PARD3B: variants seen among roughly 807,000 people sequenced by gnomAD.
PARD3B encodes par-3 family cell polarity regulator beta.
A neutral mutation model predicts 130.2 loss-of-function variants in PARD3B; 103 were observed. The ratio of observed to expected loss-of-function variants is 0.79; its 90% CI spans 0.67 to 0.93. PARD3B has a LOEUF of 0.93. Among genes scored for constraint, PARD3B ranks in the 40% least tolerant of loss-of-function variants. The pLI is 0.00. For missense variants in PARD3B, 1,609 were observed against 1,499.2 expected (o/e 1.07, Z -1.21); for synonymous variants, 583 against 553.2 (o/e 1.05, Z -0.76).
At chr2:204,723,612 T>C (rs1025505063) in intron 2 of PARD3B, among the ~76,000 whole-genome samples, 1 of 152,124 alleles carries the variant, frequency 6.6e-6, no homozygotes, top group Admixed American at 6.5e-5. Context: ...CATTCTGTTT[T>C]TAAGGGAAAG....
At chr2:205,022,472 C>T (rs991393436) in intron 3 of PARD3B, among the ~76,000 whole-genome samples, 2 of 152,062 alleles carry the variant, frequency 1.3e-5, no homozygotes, top group Admixed American at 6.6e-5. Context: ...ATATGCAAAG[C>T]CCTGTTTTTA....
intron 2 of PARD3B, among the ~76,000 whole-genome samples, chr2:204,941,741 G>T (rs1016589588): frequency 3.3e-5 from 5 of 152,164 alleles, no homozygotes; most frequent in African/African-American, 1.2e-4. Context: ...GATGAGCAAA[G>T]ACAGTGCAGA....
At chr2:204,722,116 A>G (rs1207548870) in intron 2 of PARD3B, among the ~76,000 whole-genome samples, 1 of 152,196 alleles carries the variant, frequency 6.6e-6, no homozygotes, top group Non-Finnish European at 1.5e-5. Context: ...TCAGTAGGAT[A>G]CCACAAATCA....
At chr2:204,721,970 T>G (rs1173348990) in intron 2 of PARD3B, among the ~76,000 whole-genome samples, 1 of 152,174 alleles carries the variant, frequency 6.6e-6, no homozygotes, top group African/African-American at 2.4e-5. Flanking sequence ...ACTCTAATGA[T>G]ATTTTAGTGC....
intron 1 of PARD3B, among the ~76,000 whole-genome samples, chr2:204,589,672 AT>A (rs2032993210): frequency 6.6e-6 from 1 of 152,210 alleles, no homozygotes; most frequent in Non-Finnish European, 1.5e-5. Context: ...AAGGAAAAAA[AT>A]CAAAAGGATT....
In PARD3B at chr2:204,998,506, A is replaced by ATATAATATATGTATATATATGTG. The variant is rs1455825526; in HGVS notation, c.394+33187_394+33188insATATATGTATATATATGTGTATA. Among the ~76,000 whole-genome samples, 58 of 93,516 alleles carry ATATAATATATGTATATATATGTG rather than the reference A, an allele frequency of 6.2e-4. 5 individuals carry two copies. Among genetic ancestry groups the ATATAATATATGTATATATATGTG allele is most frequent in the East Asian group, 5.8e-3 (27 of 4,620 alleles). 61.4% of individuals were successfully genotyped at this position (93,516 alleles called of 152,430 possible). The stretch of plus-strand genomic sequence containing the variant: ...ATATAATATATGTATATATATGTGT[A>ATATAATATATGTATATATATGTG]TATATATATGTGTGTGTATATATAT... On this transcript the variant is annotated intron_variant, in intron 3 of 22. Transcript: ENST00000406610.
rs772544589 is a variant in PARD3B at position 204,673,252 on chromosome 2, T to G, written c.121-12929T>G. ...GAGATGCAAATAACATGTAAGTCCCTTCTTCTTCCTTTCTAGAAGTATTTT... is the reference window on the plus strand; with the variant it reads ...GAGATGCAAATAACATGTAAGTCCCGTCTTCTTCCTTTCTAGAAGTATTTT... On this transcript the variant is annotated intron_variant, in intron 1 of 22. Transcript: ENST00000406610. This position sits in a 1 kb window ranked among gnomAD's most constrained non-coding sequence, Gnocchi z 4.7. Among the ~76,000 whole-genome samples the G allele has an allele frequency of 3.9e-5, 6 of 152,080 alleles. No individual in the cohort carries two copies. Among genetic ancestry groups the G allele is most frequent in the Non-Finnish European group, 8.8e-5 (6 of 67,948 alleles).
At chr2:204,736,920 C>A (rs1015129800) in intron 2 of PARD3B, among the ~76,000 whole-genome samples, 6 of 152,160 alleles carry the variant, frequency 3.9e-5, no homozygotes, top group Admixed American at 1.3e-4. Flanking sequence ...TCCCTTTTCC[C>A]CACATCCACA....
intron 2 of PARD3B, among the ~76,000 whole-genome samples, chr2:204,920,508 T>G (rs1435662501): frequency 6.6e-6 from 1 of 152,284 alleles, no homozygotes; most frequent in East Asian, 1.9e-4. Flanking sequence ...AGATCTCAAT[T>G]GAGGGTAGTG....
intron 1 of PARD3B, among the ~76,000 whole-genome samples, chr2:204,567,524 G>C (rs114997546): frequency 1.8e-3 from 270 of 152,252 alleles, no homozygotes; most frequent in Middle Eastern, 0.014. Context: ...GTTAATTCAT[G>C]TTGTATCATG....
intron 1 of PARD3B, among the ~76,000 whole-genome samples, chr2:204,641,024 AT>A (rs1160225473): frequency 6.8e-6 from 1 of 147,846 alleles, no homozygotes; most frequent in African/African-American, 2.5e-5. Flanking sequence ...GTATGTATAT[AT>A]TTACTATATT....
chr2:204,743,120 T>TA (rs1384832038), intron 2 of PARD3B, among the ~76,000 whole-genome samples: 4 of 152,176 alleles, frequency 2.6e-5, no homozygotes, highest in Non-Finnish European at 5.9e-5. Flanking sequence ...TTTAATGTGT[T>TA]AACTTCTAGT....
At chr2:204,712,541 G>A (rs2038499847) in intron 2 of PARD3B, among the ~76,000 whole-genome samples, 3 of 149,926 alleles carry the variant, frequency 2.0e-5, no homozygotes, top group Admixed American at 1.3e-4. Flanking sequence ...TTGAACCCGG[G>A]AGGCAGAGGT....
intron 2 of PARD3B, among the ~76,000 whole-genome samples, chr2:204,809,620 A>G (rs2042894145): frequency 1.3e-5 from 2 of 152,128 alleles, no homozygotes; most frequent in Non-Finnish European, 1.5e-5. Context: ...TTGTACCAGT[A>G]CCATGCTGTT....
rs548125350 is a variant in PARD3B at position 204,658,889 on chromosome 2, C to T, written c.121-27292C>T. 1.8e-4 allele frequency among the ~76,000 whole-genome samples: 28 copies of T among 152,256 alleles called. No homozygotes were observed. In the South Asian group the frequency reaches 5.4e-3, roughly 29 times the overall value. On this transcript the variant is annotated intron_variant, in intron 1 of 22. Coordinates refer to ENST00000406610, the MANE Select transcript of PARD3B (RefSeq NM_001302769.2). ...CCTATGCCAATAAATAGTCAAGTGT[C>T]CAATCAATCCCCATCATCGTTGCAG...
At chr2:205,192,381 A>C (rs1438422835) in intron 14 of PARD3B, among the ~76,000 whole-genome samples, 1 of 152,214 alleles carries the variant, frequency 6.6e-6, no homozygotes, top group Admixed American at 6.5e-5. Flanking sequence ...GAGATGAGCC[A>C]CCATATTTAC....
At chr2:204,821,599 C>G (rs964090792) in intron 2 of PARD3B, among the ~76,000 whole-genome samples, 22 of 151,030 alleles carry the variant, frequency 1.5e-4, no homozygotes, top group African/African-American at 4.6e-4. Flanking sequence ...TGCTAAATGA[C>G]AAGTTAATGG....
chr2:204,880,472 C>T (rs571226410), intron 2 of PARD3B, among the ~76,000 whole-genome samples: 1 of 151,862 alleles, frequency 6.6e-6, no homozygotes, highest in East Asian at 1.9e-4. Context: ...CCATCCTGGC[C>T]AACATGTTGT....
intron 2 of PARD3B, among the ~76,000 whole-genome samples, chr2:204,849,014 A>C (rs1018033452): frequency 2.6e-5 from 4 of 152,120 alleles, no homozygotes; most frequent in Non-Finnish European, 5.9e-5. Flanking sequence ...AATTTCTGTC[A>C]TGATTGTATC....
Sources: allele counts gnomAD v4.1 joint callset (sites outside exome capture counted in the v4.1 genomes callset), GRCh38; gene constraint gnomAD v4.1.1; non-coding constraint Gnocchi (gnomAD v3.1); transcripts MANE v1.5; gene names NCBI Gene and HGNC (gene_info 2026-07-23, HGNC 2026-07-21).